SPAG16: variants seen among roughly 807,000 people sequenced by gnomAD.
The protein encoded by SPAG16 is sperm-associated antigen 16 protein.
Under a neutral mutation model 80.4 loss-of-function variants are expected in SPAG16, and 86 were observed. The ratio of observed to expected loss-of-function variants is 1.07; its 90% CI spans 0.90 to 1.28. The LOEUF is 1.28. Among genes scored for constraint, SPAG16 ranks in the 50% most tolerant of loss-of-function variants. SPAG16 has a pLI of 0.00. For synonymous variants in SPAG16, 294 were observed against 265.9 expected, an observed-to-expected ratio of 1.11 and a Z score of -1.03; for missense variants, 870 against 765.3, an observed-to-expected ratio of 1.14 and a Z score of -1.61.
intron 15 of SPAG16, among the ~76,000 whole-genome samples, chr2:214,163,566 ATG>A (rs569816761): frequency 3.7e-5 from 5 of 134,860 alleles, no homozygotes; most frequent in South Asian, 4.7e-4. Flanking sequence ...GTCTGTGTAT[ATG>A]TGTGTGTGTA....
chr2:214,395,712 A>G (rs1169537540), intron 15 of SPAG16, among the ~76,000 whole-genome samples: 1 of 149,098 alleles, frequency 6.7e-6, no homozygotes, highest in African/African-American at 2.5e-5. Context: ...CCTGGTGTCT[A>G]TTTTTTTTTC....
intron 7 of SPAG16, among the ~76,000 whole-genome samples, chr2:213,361,299 C>G (rs1401863943): frequency 6.6e-6 from 1 of 151,034 alleles, no homozygotes; most frequent in African/African-American, 2.4e-5. Context: ...TTGTAGGTAT[C>G]TATGTATACT....
At chr2:213,497,168 A>G (rs1055295197) in intron 10 of SPAG16, among the ~76,000 whole-genome samples, 1 of 152,090 alleles carries the variant, frequency 6.6e-6, no homozygotes, top group Non-Finnish European at 1.5e-5. Flanking sequence ...GTATTCAGCT[A>G]TCTTCTATTA....
intron 10 of SPAG16, among the ~76,000 whole-genome samples, chr2:213,590,430 T>C (rs1457714650): frequency 6.6e-6 from 1 of 150,692 alleles, no homozygotes; most frequent in African/African-American, 2.4e-5. Flanking sequence ...TATAAAGAAC[T>C]TCAACAAAAC....
At chr2:213,368,338 G>A (rs1307218861) in intron 8 of SPAG16, among the ~76,000 whole-genome samples, 1 of 152,142 alleles carries the variant, frequency 6.6e-6, no homozygotes, top group African/African-American at 2.4e-5. Flanking sequence ...GTCATTGGTA[G>A]CTTGATGGCG....
intron 7 of SPAG16, among the ~76,000 whole-genome samples, chr2:213,353,519 C>T (rs1405176178): frequency 2.6e-5 from 4 of 152,150 alleles, no homozygotes; most frequent in African/African-American, 9.7e-5. Flanking sequence ...GTCAATTTTC[C>T]TAGGCTATTG....
At chr2:213,350,767 A>G in intron 7 of SPAG16, 122 bp downstream of exon 7, 1 of 581,698 alleles carries the variant, frequency 1.7e-6, no homozygotes, top group Non-Finnish European at 2.9e-6. Context: ...ACTTTCATGT[A>G]AAAGAGATCC....
intron 14 of SPAG16, among the ~76,000 whole-genome samples, chr2:214,118,480 A>T (rs552777453): frequency 3.3e-5 from 5 of 152,260 alleles, no homozygotes; most frequent in African/African-American, 1.2e-4. Flanking sequence ...TAATTGACTC[A>T]CAGTTCCACA....
chr2:213,647,270 C>T (rs1461915822), intron 10 of SPAG16, among the ~76,000 whole-genome samples: 3 of 152,160 alleles, frequency 2.0e-5, no homozygotes, highest in Non-Finnish European at 4.4e-5. Flanking sequence ...TCAGTTATGA[C>T]AGTATCATGC....
chr2:213,957,218 A>C (rs906993040), intron 12 of SPAG16, among the ~76,000 whole-genome samples: 6 of 152,022 alleles, frequency 3.9e-5, no homozygotes, highest in Admixed American at 3.9e-4. Flanking sequence ...AATGCAGGAC[A>C]CTGAAGTCTC....
At chr2:213,998,962 G>T (rs2046658841) in intron 12 of SPAG16, among the ~76,000 whole-genome samples, 1 of 152,146 alleles carries the variant, frequency 6.6e-6, no homozygotes. Flanking sequence ...GATGACTTGG[G>T]TGCTGTTAAA....
At chr2:214,120,078 A>G (rs1005143795) in intron 14 of SPAG16, among the ~76,000 whole-genome samples, 4 of 151,866 alleles carry the variant, frequency 2.6e-5, no homozygotes, top group Non-Finnish European at 4.4e-5. Context: ...TCTTTCTACA[A>G]TGCTGGAAAT....
intron 11 of SPAG16, among the ~76,000 whole-genome samples, chr2:213,913,877 G>A (rs2077823297): frequency 6.6e-6 from 1 of 152,052 alleles, no homozygotes; most frequent in African/African-American, 2.4e-5. Flanking sequence ...TAAATCTGAA[G>A]GAATTCCATC....
At chr2:214,378,496 A>C (rs879945156) in intron 15 of SPAG16, among the ~76,000 whole-genome samples, 6 of 152,062 alleles carry the variant, frequency 3.9e-5, no homozygotes, top group Admixed American at 3.3e-4. Context: ...TGGTTCCCTT[A>C]TAAGTTTGGG....
chr2:213,905,357 A>G (rs759789766), intron 11 of SPAG16, among the ~76,000 whole-genome samples: 19 of 152,266 alleles, frequency 1.2e-4, no homozygotes, highest in Non-Finnish European at 2.5e-4. Flanking sequence ...ATTCAAAAGC[A>G]AATAGTTTAC....
chr2:213,667,740 ATAAC>A (rs2063661781), intron 10 of SPAG16, among the ~76,000 whole-genome samples: 1 of 152,182 alleles, frequency 6.6e-6, no homozygotes, highest in South Asian at 2.1e-4. Context: ...AAATATAGCA[ATAAC>A]TAAAAAAATC....
chr2:214,122,415 C>G lies in SPAG16; in HGVS notation c.1593+14154C>G, dbSNP rs938531885. ...ACATAAATGCATCAATTCACATTACCTTTTTAAAAAACCAGTGATAAACAA... is the reference window on the plus strand; with the variant it reads ...ACATAAATGCATCAATTCACATTACGTTTTTAAAAAACCAGTGATAAACAA... On this transcript the variant is annotated intron_variant, in intron 14 of 15. Coordinates refer to ENST00000331683, the MANE Select transcript of SPAG16 (RefSeq NM_024532.5). Among the ~76,000 whole-genome samples, 6 of 151,804 alleles carry G rather than the reference C, an allele frequency of 4.0e-5. No individual in the cohort carries two copies. The East Asian group carries it at 1.2e-3, about 29-fold the overall frequency.
chr2:214,222,687 T>A (rs906361475), intron 15 of SPAG16, among the ~76,000 whole-genome samples: 4 of 152,192 alleles, frequency 2.6e-5, no homozygotes, highest in Non-Finnish European at 5.9e-5. Context: ...GAAACATCCA[T>A]TTTTAGTCAA....
chr2:213,994,457 A>G (rs1023732865), intron 12 of SPAG16, among the ~76,000 whole-genome samples: 1 of 152,186 alleles, frequency 6.6e-6, no homozygotes, highest in Non-Finnish European at 1.5e-5. Flanking sequence ...GGTCAACAGA[A>G]TGATTCATAT....
Sources: allele counts gnomAD v4.1 joint callset (sites outside exome capture counted in the v4.1 genomes callset), GRCh38; gene constraint gnomAD v4.1.1; transcripts MANE v1.5; gene names NCBI Gene and HGNC (gene_info 2026-07-23, HGNC 2026-07-21).